DNAJC7: variants seen among roughly 807,000 people sequenced by gnomAD.
The protein encoded by DNAJC7 is DnaJ heat shock protein family (Hsp40) member C7.
DNAJC7 carries 18 observed loss-of-function variants against 67.4 expected under a neutral mutation model. The ratio of observed to expected loss-of-function variants is 0.27; its 90% CI spans 0.18 to 0.40. The LOEUF is 0.40. DNAJC7 is among the 10% of genes least tolerant of loss of function. The pLI is 1.00. For synonymous variants in DNAJC7, 220 were observed against 207.8 expected, an observed-to-expected ratio of 1.06 and a Z score of -0.50; for missense variants, 419 against 613.8, an observed-to-expected ratio of 0.68 and a Z score of 3.35.
At chr17:41,994,772 C>A (rs1334689891) in intron 5 of DNAJC7, 98 bp downstream of exon 5, 3 of 990,888 alleles carry the variant, frequency 3.0e-6, no homozygotes, top group South Asian at 1.5e-5. Flanking sequence ...TATTCTAGAG[C>A]TTTTGTGCCA....
At chr17:42,007,549 A>G (rs2052000122) in intron 1 of DNAJC7, among the ~76,000 whole-genome samples, 1 of 152,106 alleles carries the variant, frequency 6.6e-6, no homozygotes. Context: ...TTTTGGAGAC[A>G]GTCTCATTCT....
intron 2 of DNAJC7, 54 bp from the exon 3 acceptor site, chr17:41,997,293 G>T (rs988721643): frequency 6.3e-7 from 1 of 1,580,378 alleles, no homozygotes; most frequent in African/African-American, 1.3e-5. Flanking sequence ...TCCCTGCTTT[G>T]AAAACTTAGA....
At chr17:41,977,012 G>C (rs1005384414) in intron 13 of DNAJC7, 1 of 640,424 alleles carries the variant, frequency 1.6e-6, no homozygotes, top group Admixed American at 3.0e-5. Context: ...GAGAAGCCTT[G>C]GTACTAGGCA....
At chr17:41,997,300 T>C (rs1598138463) in intron 2 of DNAJC7, 61 bp from the exon 3 acceptor site, 3 of 1,568,534 alleles carry the variant, frequency 1.9e-6, no homozygotes, top group Non-Finnish European at 2.6e-6. Context: ...TTTGAAAACT[T>C]AGAGGGGGCT....
intron 1 of DNAJC7, among the ~76,000 whole-genome samples, chr17:42,006,434 C>G (rs1185540096): frequency 6.6e-6 from 1 of 151,348 alleles, no homozygotes. Flanking sequence ...CCTCCTGAGC[C>G]CAGGAGGTCG....
intron 5 of DNAJC7, among the ~76,000 whole-genome samples, chr17:41,990,689 T>TG (rs1367057097): frequency 1.5e-4 from 22 of 151,002 alleles, no homozygotes; most frequent in African/African-American, 5.1e-4. Flanking sequence ...TTTTTTGAGA[T>TG]GGAGTCTCAC....
At chr17:41,984,434 GCTGGGACTACAGGCGCCCGCCAC>G (rs1398090940) in intron 9 of DNAJC7, 2 of 151,702 alleles carry the variant, frequency 1.3e-5, no homozygotes, top group African/African-American at 2.4e-5. Context: ...CTCCAGAGTA[GCTGGGACTACAGGCGCCCGCCAC>G]CTCGCCCAGC....
chr17:41,986,344 C>A (rs868923191), intron 9 of DNAJC7, among the ~76,000 whole-genome samples: 1 of 151,560 alleles, frequency 6.6e-6, no homozygotes, highest in Admixed American at 6.6e-5. Flanking sequence ...CCAGCCTGAG[C>A]GACATAGCGA....
At chr17:42,010,693 C>T (rs781941134) in intron 1 of DNAJC7, among the ~76,000 whole-genome samples, 26 of 151,992 alleles carry the variant, frequency 1.7e-4, no homozygotes, top group Non-Finnish European at 2.8e-4. Context: ...ACAGAAACTC[C>T]AAAAACAAGA....
intron 1 of DNAJC7, among the ~76,000 whole-genome samples, chr17:42,006,471 G>C (rs184347419): frequency 3.9e-3 from 598 of 151,970 alleles, no homozygotes; most frequent in Non-Finnish European, 6.3e-3. Context: ...TGTTCCTGCA[G>C]CCTGGGTGAC....
At chr17:42,000,460 G>GT (rs781795288) in intron 2 of DNAJC7, 22 bp downstream of exon 2, 8 of 1,541,768 alleles carry the variant, frequency 5.2e-6, no homozygotes, top group Non-Finnish European at 4.4e-6. Context: ...GTTTTCTAGC[G>GT]TAAGTATCAG....
At chr17:41,984,794 C>G (rs2143139941) in intron 9 of DNAJC7, 1 of 152,092 alleles carries the variant, frequency 6.6e-6, no homozygotes, top group Middle Eastern at 3.4e-3. Flanking sequence ...AACAGAGATT[C>G]AATTTCTTAC....
At chr17:42,013,170 T>A (rs1357965179) in intron 1 of DNAJC7, 4 of 152,234 alleles carry the variant, frequency 2.6e-5, no homozygotes, top group African/African-American at 9.7e-5. Flanking sequence ...ACTACTGGGC[T>A]TAAGCGATCC....
At chr17:41,985,768 G>C (rs1014765394) in intron 9 of DNAJC7, 1 of 152,134 alleles carries the variant, frequency 6.6e-6, no homozygotes, top group African/African-American at 2.4e-5. Flanking sequence ...GGTTTGGCCC[G>C]AGCTAATCTC....
chr17:42,010,084 G>A (rs149689680), intron 1 of DNAJC7, among the ~76,000 whole-genome samples: 19 of 152,340 alleles, frequency 1.2e-4, no homozygotes, highest in Non-Finnish European at 2.4e-4. Context: ...GGAGATTGCA[G>A]TGAGCCGAGA....
chr17:42,008,244 G>A (rs1169373174), intron 1 of DNAJC7, among the ~76,000 whole-genome samples: 24 of 149,336 alleles, frequency 1.6e-4, no homozygotes, highest in Admixed American at 3.3e-4. Flanking sequence ...CCCAGGAGGC[G>A]GAGGTTGCAG....
intron 12 of DNAJC7, among the ~76,000 whole-genome samples, chr17:41,979,955 C>T (rs576152605): frequency 1.9e-4 from 29 of 151,796 alleles, no homozygotes; most frequent in South Asian, 8.3e-4. Flanking sequence ...AGCAAGACTC[C>T]GTCTCAAAAA....
At chr17:41,997,013 C>T (rs1208682419) in intron 3 of DNAJC7, 102 bp downstream of exon 3, 24 of 1,555,256 alleles carry the variant, frequency 1.5e-5, no homozygotes, top group Non-Finnish European at 2.1e-5. Flanking sequence ...AAAGAATAAT[C>T]TGGTCCCAAA....
At chr17:42,007,736 C>T (rs1555650550) in intron 1 of DNAJC7, among the ~76,000 whole-genome samples, 1 of 151,032 alleles carries the variant, frequency 6.6e-6, no homozygotes, top group African/African-American at 2.4e-5. Flanking sequence ...GTTGCCCAGG[C>T]TGGTCTCAAA....
Sources: gnomAD v4.1 joint callset for allele counts (sites outside exome capture counted in the v4.1 genomes callset) on GRCh38, gnomAD v4.1.1 for gene constraint, MANE v1.5 for transcripts, NCBI Gene and HGNC (gene_info 2026-07-23, HGNC 2026-07-21) for gene names.